Variants in ACSM4 observed in about 807,000 individuals in gnomAD.
The protein encoded by ACSM4 is acyl-CoA synthetase medium chain family member 4.
Under a neutral mutation model 73.0 loss-of-function variants are expected in ACSM4, and 66 were observed. The observed-to-expected ratio is 0.90, with a 90% CI of 0.74 to 1.11. ACSM4 has a LOEUF of 1.11. ACSM4 is among the 50% of genes least tolerant of loss of function. The probability of loss-of-function intolerance (pLI) is 0.00; values close to 1 mark genes in which losing one functional copy is unlikely to be tolerated. For synonymous variants in ACSM4, 222 were observed against 254.0 expected (o/e 0.87, Z 1.20); for missense variants, 645 against 714.4 (o/e 0.90, Z 1.11).
chr12:7,311,686 G>T (rs1946391337), intron 3 of ACSM4, among the ~76,000 whole-genome samples: 1 of 152,026 alleles, frequency 6.6e-6, no homozygotes, highest in East Asian at 1.9e-4. Context: ...CTTTTTTGTT[G>T]TTGTTGTTGT....
chr12:7,307,395 GT>G (rs1196338688), intron 2 of ACSM4, among the ~76,000 whole-genome samples: 7 of 152,166 alleles, frequency 4.6e-5, no homozygotes, highest in African/African-American at 1.7e-4. Context: ...TCTCTTTGCA[GT>G]GCTAGATTAT....
chr12:7,314,697 A>G (rs1946409365), intron 3 of ACSM4, among the ~76,000 whole-genome samples: 1 of 152,190 alleles, frequency 6.6e-6, no homozygotes. Context: ...GGATTGAGAA[A>G]TGTTTAAACA....
At chr12:7,305,082 T>A (rs1403689659) in intron 1 of ACSM4, among the ~76,000 whole-genome samples, 1 of 152,166 alleles carries the variant, frequency 6.6e-6, no homozygotes. Flanking sequence ...GGGAACATGA[T>A]GTTAGGTACT....
chr12:7,325,473 C>G (rs1163932281), intron 11 of ACSM4, among the ~76,000 whole-genome samples: 5 of 152,124 alleles, frequency 3.3e-5, no homozygotes, highest in Admixed American at 2.6e-4. Context: ...ATGGTGAAAC[C>G]CTGTCTCTAC....
At position 7,324,302 on chromosome 12, in the gene ACSM4, A is replaced by G. The variant is rs767368868; in HGVS notation, c.1338A>G (p.Ile446Met). The G allele has an allele frequency of 3.7e-6, 6 of 1,613,596 alleles. No homozygotes were observed. Among genetic ancestry groups the G allele is most frequent in the Non-Finnish European group, 5.1e-6 (6 of 1,179,784 alleles). The change falls in exon 10 of 13, where the codon ATA (isoleucine) becomes ATG (methionine). Residue 446 changes from isoleucine to methionine, a missense_variant. Ile to Met is a conservative substitution (Grantham distance 10, BLOSUM62 1). Coordinates refer to ENST00000399422, the MANE Select transcript of ACSM4 (RefSeq NM_001080454.2). ...VDNPQKTAATIRGDFYVTGDR... is the reference protein window; with the variant it reads ...VDNPQKTAATMRGDFYVTGDR... ...ATCCACAGAAAACTGCTGCCACGAT[A>G]AGAGGAGATTTTTATGTCACTGGAG...
chr12:7,322,303 T>TAG, intron 6 of ACSM4, 115 bp from the exon 7 acceptor site: 1 of 1,427,574 alleles, frequency 7.0e-7, no homozygotes, highest in South Asian at 1.2e-5. Context: ...TGAATGAACT[T>TAG]TGCTAAGACT....
intron 6 of ACSM4, among the ~76,000 whole-genome samples, chr12:7,322,089 A>G (rs975149186): frequency 1.3e-5 from 2 of 152,196 alleles, no homozygotes; most frequent in Non-Finnish European, 2.9e-5. Flanking sequence ...ATCAATCAAT[A>G]TTAGCTGTTA....
At position 7,317,182 on chromosome 12, in the gene ACSM4, A is replaced by G; in HGVS notation, c.666A>G (p.Glu222=). The G allele has an allele frequency of 1.2e-6, 2 of 1,613,050 alleles. No homozygotes were observed. The highest frequency in any genetic ancestry group is 2.7e-5 in the African/African-American group (2 of 75,018). Residue 222 remains glutamate, a synonymous_variant, in exon 4 of 13, where the codon GAA becomes GAG. Coordinates refer to ENST00000399422, the MANE Select transcript of ACSM4 (RefSeq NM_001080454.2). The part of the protein sequence containing the change: ...EHSCVETGSQ[E]PMTIYFTSGT... ...GCTGTGTGGAAACAGGAAGTCAAGA[A>G]CCAATGACCATTTATTTCACCAGTG...
At chr12:7,313,372 G>A (rs941282594) in intron 3 of ACSM4, among the ~76,000 whole-genome samples, 3 of 152,168 alleles carry the variant, frequency 2.0e-5, no homozygotes, top group African/African-American at 7.2e-5. Context: ...GCCATGGACT[G>A]TTTCTCTAAA....
At chr12:7,328,253 C>G (rs749102395) in intron 12 of ACSM4, 34 bp from the exon 13 acceptor site, 32 of 1,492,404 alleles carry the variant, frequency 2.1e-5, no homozygotes, top group Non-Finnish European at 2.9e-5. Context: ...AGGATGGAAT[C>G]AAGTGTCTCA....
At chr12:7,323,200 T>C (rs1227127436) in intron 7 of ACSM4, 34 bp from the exon 8 acceptor site, 2 of 1,552,018 alleles carry the variant, frequency 1.3e-6, no homozygotes, top group East Asian at 2.3e-5. Flanking sequence ...ATATAAACTT[T>C]TGTATACTTA....
Position 7,304,455 on chromosome 12 carries a change from A to C in ACSM4, c.124A>C (p.Asn42His), listed in dbSNP as rs1946350391. Residue 42 changes from asparagine to histidine, a missense_variant, in exon 1 of 13, where the codon AAT becomes CAT. Asn to His is a moderately conservative substitution (Grantham distance 68). Coordinates refer to ENST00000399422, the MANE Select transcript of ACSM4 (RefSeq NM_001080454.2). ...GACTCTTGCTGACTTTGAAGCCATAAATCGCTGTAACAGGCCATTGCCTAA... is the reference window on the plus strand; with the variant it reads ...GACTCTTGCTGACTTTGAAGCCATACATCGCTGTAACAGGCCATTGCCTAA... ...PLTLADFEAI[N>H]RCNRPLPKNF... 1 of 1,613,852 alleles carries C rather than the reference A, an allele frequency of 6.2e-7. No homozygotes were observed. Among genetic ancestry groups the C allele is most frequent in the Admixed American group, 1.7e-5 (1 of 60,008 alleles).
At chr12:7,305,368 T>C (rs1046086203) in intron 1 of ACSM4, among the ~76,000 whole-genome samples, 1 of 152,206 alleles carries the variant, frequency 6.6e-6, no homozygotes, top group Non-Finnish European at 1.5e-5. Context: ...TAAGTAAATG[T>C]ATACACGTAA....
intron 5 of ACSM4, chr12:7,318,450 A>G (rs1946437067): frequency 2.7e-6 from 1 of 375,902 alleles, no homozygotes; most frequent in African/African-American, 2.1e-5. Flanking sequence ...TAGCTACTTA[A>G]GAAACTGGTT....
intron 3 of ACSM4, among the ~76,000 whole-genome samples, chr12:7,314,449 T>A (rs1478774282): frequency 2.0e-5 from 3 of 152,218 alleles, no homozygotes; most frequent in Admixed American, 6.5e-5. Context: ...ATGGAATCAC[T>A]GCTTGAAAAT....
chr12:7,316,562 T>C (rs1946421899), intron 3 of ACSM4, among the ~76,000 whole-genome samples: 1 of 152,144 alleles, frequency 6.6e-6, no homozygotes, highest in Non-Finnish European at 1.5e-5. Context: ...ACAGGGACAG[T>C]CTCCCCTGAA....
chr12:7,305,267 G>C (rs1946355929), intron 1 of ACSM4, among the ~76,000 whole-genome samples: 1 of 152,128 alleles, frequency 6.6e-6, no homozygotes, highest in Non-Finnish European at 1.5e-5. Flanking sequence ...GCATAGTTTT[G>C]TTTTCAGCAT....
At position 7,306,680 on chromosome 12, in the gene ACSM4, T is replaced by C; in HGVS notation, c.349T>C (p.Leu117=). The C allele has an allele frequency of 1.9e-6, 3 of 1,611,510 alleles. No homozygotes were observed. The highest frequency in any genetic ancestry group is 2.5e-6 in the Non-Finnish European group (3 of 1,178,998). ...CTGTGGCCTGCAGAGAGGAGACCGT[T>C]TGGCCGTGATTCTGCCCAGAATCCC... is the stretch of plus-strand genomic sequence containing the variant. ...KPCGLQRGDR[L]AVILPRIPEW... The change falls in exon 2 of 13, where the codon TTG becomes CTG. Residue 117 remains leucine, a synonymous_variant. Coordinates refer to ENST00000399422, the MANE Select transcript of ACSM4 (RefSeq NM_001080454.2).
At chr12:7,312,613 T>C (rs894991875) in intron 3 of ACSM4, among the ~76,000 whole-genome samples, 10 of 152,194 alleles carry the variant, frequency 6.6e-5, no homozygotes, top group Admixed American at 5.9e-4. Flanking sequence ...ACTGCTTGTG[T>C]CTTTTATAAG....
Sources: gnomAD v4.1 joint callset for allele counts (sites outside exome capture counted in the v4.1 genomes callset) on GRCh38, gnomAD v4.1.1 for gene constraint, MANE v1.5 for transcripts, NCBI Gene and HGNC (gene_info 2026-07-23, HGNC 2026-07-21) for gene names.